Variants in RBFOX1 observed in about 807,000 individuals in gnomAD.
RBFOX1 encodes RNA binding fox-1 homolog 1.
Under a neutral mutation model 57.7 loss-of-function variants are expected in RBFOX1, and 8 were observed. The observed-to-expected ratio is 0.14, with a 90% CI of 0.08 to 0.25. The LOEUF (loss-of-function observed/expected upper bound fraction) is 0.25, where lower values mean the gene tolerates loss of function less well. RBFOX1 is among the 10% of genes least tolerant of loss of function. RBFOX1 has a pLI of 1.00. For synonymous variants in RBFOX1, 326 were observed against 222.4 expected (o/e 1.47, Z -4.15); for missense variants, 611 against 548.5 (o/e 1.11, Z -1.14).
intron 4 of RBFOX1, among the ~76,000 whole-genome samples, chr16:7,077,962 T>G (rs1487464017): frequency 6.6e-6 from 1 of 152,188 alleles, no homozygotes; most frequent in East Asian, 1.9e-4. Flanking sequence ...GAAAGTAAAC[T>G]CAAGGGCTGT....
At chr16:7,690,509 T>G (rs1196228606) in intron 14 of RBFOX1, among the ~76,000 whole-genome samples, 1 of 152,064 alleles carries the variant, frequency 6.6e-6, no homozygotes, top group African/African-American at 2.4e-5. Context: ...CAGACCAGTT[T>G]GTGGAAAATC....
chr16:5,886,895 C>T (rs1268931451), intron 4 of RBFOX1, among the ~76,000 whole-genome samples: 1 of 152,162 alleles, frequency 6.6e-6, no homozygotes, highest in Non-Finnish European at 1.5e-5. Flanking sequence ...CTCAAACAAA[C>T]AAATCATCTC....
chr16:5,783,937 G>A (rs573849725), intron 3 of RBFOX1, among the ~76,000 whole-genome samples: 26 of 152,248 alleles, frequency 1.7e-4, no homozygotes, highest in African/African-American at 6.0e-4. Context: ...AGCCCCCAAG[G>A]TTTTGGTATT....
chr16:7,663,557 A>G (rs1167112068), intron 12 of RBFOX1, among the ~76,000 whole-genome samples: 3 of 151,688 alleles, frequency 2.0e-5, no homozygotes, highest in South Asian at 2.1e-4. Flanking sequence ...CCTTGGCTCA[A>G]TATGCTTTGC....
chr16:7,382,624 A>T (rs1191775996), intron 4 of RBFOX1, among the ~76,000 whole-genome samples: 2 of 152,364 alleles, frequency 1.3e-5, no homozygotes, highest in African/African-American at 4.8e-5. Context: ...AGATGGCAAG[A>T]ACAGTGTTTT....
chr16:6,510,166 T>C (rs1050073105), intron 2 of RBFOX1, among the ~76,000 whole-genome samples: 1 of 152,172 alleles, frequency 6.6e-6, no homozygotes, highest in Non-Finnish European at 1.5e-5. Flanking sequence ...TGGAAACATA[T>C]GTATGCTCTC....
intron 3 of RBFOX1, among the ~76,000 whole-genome samples, chr16:5,704,525 C>A (rs932146726): frequency 3.9e-5 from 6 of 152,158 alleles, no homozygotes; most frequent in African/African-American, 1.4e-4. Flanking sequence ...AAGATTGGTG[C>A]ATGTAATTAT....
At chr16:6,153,039 T>TG (rs2096809991) in intron 1 of RBFOX1, among the ~76,000 whole-genome samples, 1 of 151,100 alleles carries the variant, frequency 6.6e-6, no homozygotes, top group Admixed American at 6.6e-5. Context: ...TTCTGTTTTT[T>TG]TTTTTTTTTT....
intron 2 of RBFOX1, among the ~76,000 whole-genome samples, chr16:5,575,199 G>C (rs563698817): frequency 1.3e-5 from 2 of 152,272 alleles, no homozygotes; most frequent in East Asian, 3.9e-4. Context: ...TGCTGTCTCT[G>C]AATAGTTTGT....
chr16:7,315,667 T>G (rs1009375113), intron 4 of RBFOX1, among the ~76,000 whole-genome samples: 1 of 143,572 alleles, frequency 7.0e-6, no homozygotes, highest in African/African-American at 2.6e-5. Context: ...TATATATATA[T>G]GGAACATTAC....
chr16:5,398,113 A>G (rs996110317), intron 1 of RBFOX1, among the ~76,000 whole-genome samples: 1 of 152,222 alleles, frequency 6.6e-6, no homozygotes, highest in Non-Finnish European at 1.5e-5. Flanking sequence ...GAAGACCAAG[A>G]CCATCAAGAA....
intron 3 of RBFOX1, among the ~76,000 whole-genome samples, chr16:6,831,685 C>G (rs1419014439): frequency 6.6e-6 from 1 of 152,076 alleles, no homozygotes; most frequent in Non-Finnish European, 1.5e-5. Flanking sequence ...GCAACCAGTT[C>G]TATTATTTTT....
intron 2 of RBFOX1, among the ~76,000 whole-genome samples, chr16:6,509,662 A>G (rs184142349): frequency 1.3e-5 from 2 of 152,294 alleles, no homozygotes; most frequent in African/African-American, 2.4e-5. Context: ...ATTTAAGTGT[A>G]CATTTTTAAA....
intron 3 of RBFOX1, among the ~76,000 whole-genome samples, chr16:5,827,182 A>G (rs985025389): frequency 7.9e-5 from 12 of 152,012 alleles, no homozygotes; most frequent in African/African-American, 2.9e-4. Context: ...TGGGTGGATC[A>G]TGAGGTCAAG....
At chr16:6,697,583 C>G (rs777647410) in intron 3 of RBFOX1, among the ~76,000 whole-genome samples, 4 of 152,150 alleles carry the variant, frequency 2.6e-5, no homozygotes, top group Non-Finnish European at 5.9e-5. Flanking sequence ...AAAGGCTTAT[C>G]CTGGAACTGG....
intron 4 of RBFOX1, among the ~76,000 whole-genome samples, chr16:7,298,064 C>G (rs551109456): frequency 4.3e-4 from 65 of 152,240 alleles, no homozygotes; most frequent in African/African-American, 1.5e-3. Flanking sequence ...TATCTATATC[C>G]TGAAACTTCT....
chr16:6,923,859 A>T (rs1341397435), intron 3 of RBFOX1, among the ~76,000 whole-genome samples: 1 of 152,094 alleles, frequency 6.6e-6, no homozygotes, highest in Non-Finnish European at 1.5e-5. Context: ...GTATTAGTCC[A>T]TGCTGCATTG....
intron 1 of RBFOX1, among the ~76,000 whole-genome samples, chr16:5,435,972 A>G (rs1433649757): frequency 2.0e-5 from 3 of 152,232 alleles, no homozygotes; most frequent in Non-Finnish European, 4.4e-5. Flanking sequence ...AAGTCTTTGA[A>G]GATTTTAAGC....
At chr16:6,388,779 G>A (rs1228265454) in intron 2 of RBFOX1, among the ~76,000 whole-genome samples, 1 of 152,070 alleles carries the variant, frequency 6.6e-6, no homozygotes, top group Non-Finnish European at 1.5e-5. Context: ...CATCACTTGT[G>A]GCAATATGGA....
Sources: gnomAD v4.1 joint callset for allele counts (sites outside exome capture counted in the v4.1 genomes callset) on GRCh38, gnomAD v4.1.1 for gene constraint, MANE v1.5 for transcripts, NCBI Gene and HGNC (gene_info 2026-07-23, HGNC 2026-07-21) for gene names.